CDH1: variants seen among roughly 807,000 people sequenced by gnomAD.
The protein encoded by CDH1 is cadherin 1.
Under a neutral mutation model 84.5 loss-of-function variants are expected in CDH1, and 35 were observed. The observed-to-expected ratio is 0.41, with a 90% CI of 0.32 to 0.55. The LOEUF (loss-of-function observed/expected upper bound fraction) is 0.55, where lower values mean the gene tolerates loss of function less well. Ranked by LOEUF, CDH1 falls within the 20% of genes least tolerant of loss-of-function variation. The pLI, the probability that CDH1 is intolerant of heterozygous loss-of-function variation, is 0.19. For synonymous variants in CDH1, 417 were observed against 439.0 expected (o/e 0.95, Z 0.63); for missense variants, 994 against 1,126.6 (o/e 0.88, Z 1.68).
At chr16:68,793,753 A>G (rs1411837871) in intron 2 of CDH1, among the ~76,000 whole-genome samples, 2 of 152,174 alleles carry the variant, frequency 1.3e-5, no homozygotes, top group African/African-American at 4.8e-5. Context: ...TTAGCTGGGC[A>G]TGGTGGCGCA....
At chr16:68,787,271 G>A (rs1960079495) in intron 2 of CDH1, among the ~76,000 whole-genome samples, 1 of 152,148 alleles carries the variant, frequency 6.6e-6, no homozygotes, top group Non-Finnish European at 1.5e-5. Flanking sequence ...GCTGGTTCTG[G>A]GGCGAATGTT....
chr16:68,820,969 C>T (rs1211167799), intron 11 of CDH1, among the ~76,000 whole-genome samples: 1 of 152,006 alleles, frequency 6.6e-6, no homozygotes, highest in African/African-American at 2.4e-5. Context: ...GACGTGTGCT[C>T]ATTGTTAAAA....
At chr16:68,761,640 A>T (rs1959227397) in intron 2 of CDH1, among the ~76,000 whole-genome samples, 1 of 152,154 alleles carries the variant, frequency 6.6e-6, no homozygotes, top group South Asian at 2.1e-4. Flanking sequence ...GATGAATCGG[A>T]ATGGAGCATT....
rs1436334058 is a variant in CDH1 at position 68,738,417 on chromosome 16, G to A, written c.163+6G>A. ...AGGCCGCGTCCTGGGCAGAGGTGAG[G>A]GCGCGCTGCCGGTGTCCCTGGGCGG... is the stretch of plus-strand genomic sequence containing the variant. On this transcript the variant is annotated splice_donor_region_variant and intron_variant, in intron 2 of 15. Transcript: ENST00000261769. 6.5e-7 allele frequency: 1 copy of A among 1,532,984 alleles called. No individual in the cohort carries two copies. The highest frequency in any genetic ancestry group is 8.8e-7 in the Non-Finnish European group (1 of 1,131,878). 95.0% of individuals were successfully genotyped at this position (1,532,984 alleles called of 1,614,324 possible).
At chr16:68,787,722 AATCTCAG>A (rs1960096429) in intron 2 of CDH1, among the ~76,000 whole-genome samples, 1 of 151,714 alleles carries the variant, frequency 6.6e-6, no homozygotes, top group African/African-American at 2.4e-5. Flanking sequence ...GCAATGGTGC[AATCTCAG>A]CTCACTGCAA....
intron 2 of CDH1, among the ~76,000 whole-genome samples, chr16:68,753,392 G>T (rs555448432): frequency 6.6e-6 from 1 of 151,616 alleles, no homozygotes; most frequent in East Asian, 2.0e-4. Context: ...TGTCACCCAG[G>T]CTGGAGGGCA....
intron 3 of CDH1, among the ~76,000 whole-genome samples, chr16:68,805,011 T>C (rs936446771): frequency 6.8e-6 from 1 of 147,318 alleles, no homozygotes; most frequent in African/African-American, 2.5e-5. Context: ...TTTTTTTTTT[T>C]TTTTTTTTGT....
At chr16:68,749,661 C>A (rs909225117) in intron 2 of CDH1, among the ~76,000 whole-genome samples, 3 of 152,246 alleles carry the variant, frequency 2.0e-5, no homozygotes, top group Non-Finnish European at 4.4e-5. Context: ...TCATCCCCTA[C>A]TGTGGAAGAG....
At chr16:68,806,804 G>A (rs1194279029) in intron 3 of CDH1, among the ~76,000 whole-genome samples, 1 of 152,202 alleles carries the variant, frequency 6.6e-6, no homozygotes, top group East Asian at 1.9e-4. Context: ...GGCGCAGGCT[G>A]GGCTGCCTCT....
rs566873786 is a variant in CDH1 at position 68,769,929 on chromosome 16, C to A, written c.163+31518C>A. Among the ~76,000 whole-genome samples, 97 of 151,258 alleles carry A rather than the reference C, an allele frequency of 6.4e-4. 1 individual carries two copies. Among genetic ancestry groups the A allele is most frequent in the Non-Finnish European group, 1.1e-3 (78 of 67,878 alleles). On this transcript the variant is annotated intron_variant, in intron 2 of 15. Transcript: ENST00000261769. ...TCCTGAGCTCGTCATGATCTGCCCA[C>A]CTCGGCCTCCCAAAGTGCTGGGATT... is the stretch of plus-strand genomic sequence containing the variant.
intron 3 of CDH1, 53 bp downstream of exon 3, chr16:68,801,946 T>C (rs1597885162): frequency 1.4e-6 from 2 of 1,429,870 alleles, no homozygotes; most frequent in East Asian, 4.6e-5. Flanking sequence ...CGCTGTCTAA[T>C]CCAGGTTTCT....
chr16:68,758,310 C>G (rs1261233368), intron 2 of CDH1, among the ~76,000 whole-genome samples: 1 of 149,752 alleles, frequency 6.7e-6, no homozygotes, highest in Admixed American at 6.7e-5. Flanking sequence ...GCCTCAGTCC[C>G]CTCACCTGTA....
At chr16:68,743,281 C>CTCTTTCTT (rs751271382) in intron 2 of CDH1, among the ~76,000 whole-genome samples, 4 of 135,568 alleles carry the variant, frequency 3.0e-5, no homozygotes, top group African/African-American at 2.8e-5. Flanking sequence ...CTTGCTGGGT[C>CTCTTTCTT]TCTTTCTTTC....
intron 2 of CDH1, among the ~76,000 whole-genome samples, chr16:68,788,192 G>A (rs1425832614): frequency 6.6e-6 from 1 of 151,982 alleles, no homozygotes; most frequent in Admixed American, 6.6e-5. Context: ...TGGCATTTTT[G>A]GGTGCCTGGA....
At chr16:68,739,689 A>G (rs1962507802) in intron 2 of CDH1, among the ~76,000 whole-genome samples, 1 of 136,412 alleles carries the variant, frequency 7.3e-6, no homozygotes, top group Non-Finnish European at 1.5e-5. Flanking sequence ...ATCTCGGCTC[A>G]CTGCCACCTC....
intron 2 of CDH1, among the ~76,000 whole-genome samples, chr16:68,767,175 T>C (rs1175005887): frequency 1.3e-5 from 2 of 150,584 alleles, no homozygotes; most frequent in East Asian, 4.0e-4. Flanking sequence ...CCCTGCTCCA[T>C]TTTAGACCAT....
Position 68,801,844 on chromosome 16 carries a change from A to C in CDH1, c.338A>C (p.Lys113Thr), listed in dbSNP as rs1960520003. 6.2e-7 allele frequency: 1 copy of C among 1,614,150 alleles called. No individual in the cohort carries two copies. The highest frequency in any genetic ancestry group is 1.1e-5 in the South Asian group (1 of 91,074). Reference sequence around the variant, plus strand: ...TCCACCTACAGAAAGTTTTCCACCAAAGTCACGCTGAATACAGTGGGGCAC... The same window carrying C: ...TCCACCTACAGAAAGTTTTCCACCACAGTCACGCTGAATACAGTGGGGCAC... ...WDSTYRKFSTKVTLNTVGHHH... is the reference protein window; with the variant it reads ...WDSTYRKFSTTVTLNTVGHHH... Residue 113 changes from lysine to threonine, a missense_variant, in exon 3 of 16, where the codon AAA (lysine) becomes ACA (threonine). Lys to Thr is a moderately conservative substitution (Grantham distance 78, BLOSUM62 -1). Around this residue, in one of 3 missense-constraint regions of CDH1, gnomAD observed 203 missense variants for 194.0 expected, o/e 1.05. Transcript: ENST00000261769.
At chr16:68,830,535 C>T (rs1961457967) in intron 15 of CDH1, among the ~76,000 whole-genome samples, 1 of 152,108 alleles carries the variant, frequency 6.6e-6, no homozygotes, top group Non-Finnish European at 1.5e-5. Context: ...GCATTCAGCT[C>T]TAAATACAAG....
chr16:68,762,873 A>G (rs1315655897), intron 2 of CDH1, among the ~76,000 whole-genome samples: 1 of 131,978 alleles, frequency 7.6e-6, no homozygotes, highest in Non-Finnish European at 1.6e-5. Context: ...AGTGAGCACC[A>G]CTGCACTCCA....
Sources: gnomAD v4.1 joint callset for allele counts (sites outside exome capture counted in the v4.1 genomes callset) on GRCh38, gnomAD v4.1.1 for gene constraint, gnomAD v4.1.1 regional missense constraint, MANE v1.5 for transcripts, NCBI Gene and HGNC (gene_info 2026-07-23, HGNC 2026-07-21) for gene names.